Variants in FSTL4 observed in about 807,000 individuals in gnomAD.
The protein encoded by FSTL4 is follistatin like 4.
A neutral mutation model predicts 78.2 loss-of-function variants in FSTL4; 28 were observed. The ratio of observed to expected loss-of-function variants is 0.36; its 90% CI spans 0.27 to 0.49. The LOEUF is 0.49. FSTL4 is among the 20% of genes least tolerant of loss of function. FSTL4 has a pLI of 0.98. For synonymous variants in FSTL4, 422 were observed against 440.5 expected, an observed-to-expected ratio of 0.96 and a Z score of 0.53; for missense variants, 922 against 1,084.9, an observed-to-expected ratio of 0.85 and a Z score of 2.11.
chr5:133,788,154 G>A, the FSTL4 span, among the ~76,000 whole-genome samples: 3 of 152,190 alleles, frequency 2.0e-5, no homozygotes, highest in African/African-American at 7.2e-5. Context: ...TGGAGCAGAG[G>A]TAAGAACTGT....
intron 4 of FSTL4, among the ~76,000 whole-genome samples, chr5:133,386,241 C>A (rs1034874620): frequency 1.3e-5 from 2 of 152,216 alleles, no homozygotes; most frequent in Non-Finnish European, 2.9e-5. Flanking sequence ...CTCATCCAAT[C>A]TCTGGTTTTT....
chr5:133,512,847 G>T (rs548421785), intron 3 of FSTL4, among the ~76,000 whole-genome samples: 6 of 151,362 alleles, frequency 4.0e-5, no homozygotes, highest in African/African-American at 1.5e-4. Context: ...AGACAGTTTT[G>T]CTCTCTCTCG....
chr5:133,422,644 A>G (rs890968753), intron 3 of FSTL4, among the ~76,000 whole-genome samples: 3 of 152,144 alleles, frequency 2.0e-5, no homozygotes, highest in African/African-American at 7.2e-5. Context: ...TCAAGGAGGG[A>G]GGTGTCCCTG....
chr5:133,668,795 C>T, the FSTL4 span, among the ~76,000 whole-genome samples: 54 of 152,204 alleles, frequency 3.5e-4, no homozygotes, highest in South Asian at 7.7e-3. Flanking sequence ...TGAGATCAGA[C>T]GTCACCAAAA....
intron 3 of FSTL4, among the ~76,000 whole-genome samples, chr5:133,545,981 A>G (rs1759565331): frequency 6.6e-6 from 1 of 152,272 alleles, no homozygotes; most frequent in Non-Finnish European, 1.5e-5. Flanking sequence ...ACTTGGCTAC[A>G]TTGTGTTCAT....
chr5:133,827,496 T>C, the FSTL4 span, among the ~76,000 whole-genome samples: 1 of 152,124 alleles, frequency 6.6e-6, no homozygotes, highest in Non-Finnish European at 1.5e-5. Flanking sequence ...CGAGGAGGAT[T>C]GATTTCTCTA....
At position 133,229,522 on chromosome 5, in the gene FSTL4, TA is replaced by T. The variant is rs35050723; in HGVS notation, c.1016-3704del. The stretch of plus-strand genomic sequence containing the variant: ...TGGGCAACTGAGGGAGACCTTGTCT[TA>T]AAAAAAAAAAATCAGTTGGTCAGGG... On this transcript the variant is annotated intron_variant, in intron 8 of 15. Transcript: ENST00000265342. Among the ~76,000 whole-genome samples, 1,244 of 145,068 alleles carry T rather than the reference TA, an allele frequency of 8.6e-3. 10 individuals carry two copies. The highest frequency in any genetic ancestry group is 0.026 in the African/African-American group (1,049 of 39,844).
the FSTL4 span, among the ~76,000 whole-genome samples, chr5:133,667,275 AT>A: frequency 6.6e-6 from 1 of 152,124 alleles, no homozygotes; most frequent in South Asian, 2.1e-4. Flanking sequence ...ACCAGTTGTT[AT>A]CACTTCCACC....
At chr5:133,656,770 T>G in the FSTL4 span, among the ~76,000 whole-genome samples, 1 of 152,036 alleles carries the variant, frequency 6.6e-6, no homozygotes, top group African/African-American at 2.4e-5. Context: ...GAGAGTGACT[T>G]TGATTTGTGT....
At chr5:133,332,011 T>G (rs1754360708) in intron 4 of FSTL4, among the ~76,000 whole-genome samples, 1 of 152,166 alleles carries the variant, frequency 6.6e-6, no homozygotes, top group Admixed American at 6.5e-5. Context: ...TCTGAGCTGA[T>G]GCGCAGGCTG....
chr5:133,821,946 C>T, the FSTL4 span, among the ~76,000 whole-genome samples: 11 of 152,134 alleles, frequency 7.2e-5, no homozygotes, highest in Non-Finnish European at 1.5e-4. Flanking sequence ...AACGGGGGCA[C>T]AGTGAGAAGG....
chr5:133,567,260 T>G, intron 2 of FSTL4, 41 bp from the exon 3 acceptor site: 1 of 1,436,060 alleles, frequency 7.0e-7, no homozygotes, highest in Admixed American at 1.7e-5. Flanking sequence ...GAAGAATAAT[T>G]CATATGTACA....
chr5:133,465,365 C>A (rs1461934260), intron 3 of FSTL4, among the ~76,000 whole-genome samples: 1 of 152,246 alleles, frequency 6.6e-6, no homozygotes, highest in Non-Finnish European at 1.5e-5. Context: ...ATCCGTAAGA[C>A]CGTGCCACAG....
At chr5:133,753,118 T>C in the FSTL4 span, among the ~76,000 whole-genome samples, 4 of 152,226 alleles carry the variant, frequency 2.6e-5, no homozygotes, top group Non-Finnish European at 5.9e-5. Context: ...AAAAGTCTTT[T>C]TGTGGTCAAG....
intron 2 of FSTL4, among the ~76,000 whole-genome samples, chr5:133,581,270 T>C (rs1275329121): frequency 6.6e-6 from 1 of 152,154 alleles, no homozygotes; most frequent in Non-Finnish European, 1.5e-5. Flanking sequence ...AGATTGGTGT[T>C]TACTTAGGAC....
chr5:133,516,257 TGAAAA>T (rs1287211512), intron 3 of FSTL4, among the ~76,000 whole-genome samples: 1 of 151,972 alleles, frequency 6.6e-6, no homozygotes, highest in East Asian at 1.9e-4. Flanking sequence ...CAAAAAACAT[TGAAAA>T]GAAGAGGAGA....
At chr5:133,488,704 T>G (rs955528651) in intron 3 of FSTL4, among the ~76,000 whole-genome samples, 1 of 152,234 alleles carries the variant, frequency 6.6e-6, no homozygotes, top group Non-Finnish European at 1.5e-5. Context: ...TTGTCAATTT[T>G]TATTCTTGAG....
intron 2 of FSTL4, among the ~76,000 whole-genome samples, chr5:133,581,333 T>C (rs1196662777): frequency 6.6e-6 from 1 of 152,192 alleles, no homozygotes; most frequent in Non-Finnish European, 1.5e-5. Context: ...CTGTCCTCTT[T>C]CTGTTCCTCA....
chr5:133,721,908 T>G, the FSTL4 span, among the ~76,000 whole-genome samples: 2 of 152,200 alleles, frequency 1.3e-5, no homozygotes, highest in Admixed American at 1.3e-4. Context: ...ACTCCCATAA[T>G]GCAAATACTT....
Sources: gnomAD v4.1 joint callset for allele counts (sites outside exome capture counted in the v4.1 genomes callset) on GRCh38, gnomAD v4.1.1 for gene constraint, MANE v1.5 for transcripts, NCBI Gene and HGNC (gene_info 2026-07-23, HGNC 2026-07-21) for gene names.